ABCA12: variants seen among roughly 807,000 people sequenced by gnomAD.
ABCA12 encodes the protein glucosylceramide transporter ABCA12.
A neutral mutation model predicts 293.5 loss-of-function variants in ABCA12; 156 were observed. The observed-to-expected ratio is 0.53, with a 90% CI of 0.47 to 0.61. The LOEUF (loss-of-function observed/expected upper bound fraction) is 0.61. ABCA12 is among the 20% of genes least tolerant of loss of function. The pLI is 0.00. For missense variants in ABCA12, 2,797 were observed against 3,090.2 expected (o/e 0.91, Z 2.25); for synonymous variants, 1,063 against 1,108.0 (o/e 0.96, Z 0.81).
At chr2:215,076,478 T>A (rs1173592946) in intron 2 of ABCA12, among the ~76,000 whole-genome samples, 1 of 152,116 alleles carries the variant, frequency 6.6e-6, no homozygotes, top group Non-Finnish European at 1.5e-5. Flanking sequence ...AGAGATTCCG[T>A]TTTACATCTA....
intron 7 of ABCA12, among the ~76,000 whole-genome samples, chr2:215,040,702 C>T (rs965434371): frequency 5.9e-5 from 9 of 152,106 alleles, no homozygotes; most frequent in African/African-American, 2.2e-4. Context: ...ATCCCAGCTA[C>T]TTGGGAGGCT....
intron 1 of ABCA12, among the ~76,000 whole-genome samples, chr2:215,114,860 C>G (rs1358699873): frequency 1.3e-5 from 2 of 152,144 alleles, no homozygotes; most frequent in East Asian, 3.9e-4. Flanking sequence ...TCTGAGTAGA[C>G]TTAATGCCCC....
intron 2 of ABCA12, among the ~76,000 whole-genome samples, chr2:215,085,780 T>C (rs548646735): frequency 6.6e-6 from 1 of 152,174 alleles, no homozygotes; most frequent in South Asian, 2.1e-4. Flanking sequence ...GGGTGGGGAA[T>C]GAAGAAGGGA....
chr2:215,100,749 T>C (rs528153327), intron 2 of ABCA12, among the ~76,000 whole-genome samples: 1 of 152,286 alleles, frequency 6.6e-6, no homozygotes, highest in African/African-American at 2.4e-5. Context: ...TTGTAGAATA[T>C]AAATCTCCAG....
chr2:214,936,610 G>T (rs1291930026), intron 51 of ABCA12, among the ~76,000 whole-genome samples: 1 of 152,174 alleles, frequency 6.6e-6, no homozygotes. Context: ...GGCTATGTTA[G>T]GTATATATGC....
chr2:215,032,863 G>C (rs994210171), intron 8 of ABCA12, among the ~76,000 whole-genome samples: 5 of 152,102 alleles, frequency 3.3e-5, no homozygotes, highest in African/African-American at 1.2e-4. Flanking sequence ...ATTGTCTCTA[G>C]TTAGTGCAAC....
chr2:215,078,869 T>C (rs1701884163), intron 2 of ABCA12, among the ~76,000 whole-genome samples: 3 of 152,200 alleles, frequency 2.0e-5, no homozygotes, highest in East Asian at 1.9e-4. Context: ...CCTCTTTTCC[T>C]AGTTTGAAAC....
intron 9 of ABCA12, chr2:215,029,198 C>T (rs901243836): frequency 6.6e-6 from 1 of 152,144 alleles, no homozygotes; most frequent in African/African-American, 2.4e-5. Flanking sequence ...CGACCCCATC[C>T]CCATCACAGA....
At chr2:214,945,876 G>A (rs917135364) in intron 48 of ABCA12, among the ~76,000 whole-genome samples, 1 of 152,140 alleles carries the variant, frequency 6.6e-6, no homozygotes, top group Non-Finnish European at 1.5e-5. Flanking sequence ...AGCTAATATA[G>A]TTGAGCTCAT....
At chr2:215,088,558 G>A (rs1206549655) in intron 2 of ABCA12, among the ~76,000 whole-genome samples, 1 of 152,210 alleles carries the variant, frequency 6.6e-6, no homozygotes, top group Non-Finnish European at 1.5e-5. Flanking sequence ...TTAGTCTAGT[G>A]TAATGAAAAG....
chr2:214,948,912 C>T (rs1203949253), intron 46 of ABCA12, 128 bp downstream of exon 46: 14 of 1,137,358 alleles, frequency 1.2e-5, no homozygotes, highest in Admixed American at 1.9e-5. Context: ...TTCCACCCAC[C>T]TTAATAGCTT....
chr2:215,087,260 G>T (rs1166687426), intron 2 of ABCA12, among the ~76,000 whole-genome samples: 3 of 152,022 alleles, frequency 2.0e-5, no homozygotes, highest in Admixed American at 6.6e-5. Flanking sequence ...TATTAATATT[G>T]TCTATTAAGA....
intron 9 of ABCA12, among the ~76,000 whole-genome samples, chr2:215,030,507 G>A (rs1242192667): frequency 6.6e-6 from 1 of 151,958 alleles, no homozygotes; most frequent in Non-Finnish European, 1.5e-5. Context: ...GGGAGGCTGA[G>A]GCAGGAGAAT....
intron 36 of ABCA12, among the ~76,000 whole-genome samples, chr2:214,971,922 T>A (rs1480980601): frequency 6.6e-6 from 1 of 152,200 alleles, no homozygotes; most frequent in Non-Finnish European, 1.5e-5. Context: ...ACACTTAGAA[T>A]TTTTCCTCTT....
At chr2:214,970,178 G>A in intron 37 of ABCA12, 95 bp downstream of exon 37, 1 of 1,267,344 alleles carries the variant, frequency 7.9e-7, no homozygotes, top group Non-Finnish European at 1.1e-6. Context: ...CATGTAAAAT[G>A]TAAACAATAG....
At chr2:215,112,263 C>T (rs1702587014) in intron 1 of ABCA12, among the ~76,000 whole-genome samples, 1 of 151,142 alleles carries the variant, frequency 6.6e-6, no homozygotes, top group African/African-American at 2.4e-5. Flanking sequence ...AAGTCCCATG[C>T]AGTCCCATAT....
At chr2:214,969,285 C>T (rs1699334206) in intron 37 of ABCA12, among the ~76,000 whole-genome samples, 1 of 151,924 alleles carries the variant, frequency 6.6e-6, no homozygotes, top group South Asian at 2.1e-4. Context: ...TATTTGAGGG[C>T]AAGTTGGGTC....
intron 9 of ABCA12, 48 bp downstream of exon 9, chr2:215,031,773 T>C (rs780406153): frequency 7.4e-6 from 12 of 1,610,878 alleles, no homozygotes; most frequent in Non-Finnish European, 1.0e-5. Context: ...GTTTTGATTG[T>C]TTATTCAGCC....
Position 214,958,535 on chromosome 2 carries a change from C to T in ABCA12, c.5940-81G>A, listed in dbSNP as rs559960878. 4.1e-5 allele frequency: 60 copies of T among 1,471,022 alleles called. 1 individual carries two copies. In the South Asian group the frequency reaches 6.9e-4, roughly 17 times the overall value. 91.1% of individuals were successfully genotyped at this position (1,471,022 alleles called of 1,614,324 possible). On this transcript the variant is annotated intron_variant, in intron 40 of 52. Coordinates refer to ENST00000272895, the MANE Select transcript of ABCA12 (RefSeq NM_173076.3). ...TTTCAGAAAGATTCATAACTAAAACCATCAAGAAAACAGTACAAGAGTTGG... is the reference window on the plus strand; with the variant it reads ...TTTCAGAAAGATTCATAACTAAAACTATCAAGAAAACAGTACAAGAGTTGG...
Sources: gnomAD v4.1 joint callset for allele counts (sites outside exome capture counted in the v4.1 genomes callset) on GRCh38, gnomAD v4.1.1 for gene constraint, MANE v1.5 for transcripts, NCBI Gene and HGNC (gene_info 2026-07-23, HGNC 2026-07-21) for gene names.